The following BANP variants were observed in gnomAD, a reference collection of about 807,000 sequenced individuals.
BANP encodes protein BANP.
In BANP, 11 loss-of-function variants were observed where a neutral mutation model predicts 68.1. That is an observed-to-expected ratio of 0.16 (90% CI 0.10 to 0.27). BANP has a LOEUF of 0.27. Ranked by LOEUF, BANP falls within the 10% of genes least tolerant of loss-of-function variation. The pLI is 1.00. For synonymous variants in BANP, 329 were observed against 303.2 expected (o/e 1.09, Z -0.88); for missense variants, 504 against 722.7 (o/e 0.70, Z 3.47).
rs1327030639 is a variant in BANP, at chr16:88,071,795, T to C, written c.1378-274T>C. Reference sequence around the variant, plus strand: ...TGTGGAAGCTCTGCCTTGCTTTTTTTTTTTTCCCTTTTTTCTGCTCTGTAG... The same window carrying C: ...TGTGGAAGCTCTGCCTTGCTTTTTTCTTTTTCCCTTTTTTCTGCTCTGTAG... On this transcript the variant is annotated intron_variant, in intron 12 of 13. Transcript: ENST00000682872. The surrounding 1 kb of genome is among the most constrained non-coding windows in gnomAD (Gnocchi z 6.5). 1.5e-6 allele frequency: 1 copy of C among 670,624 alleles called. No homozygotes were observed. The highest frequency in any genetic ancestry group is 2.7e-6 in the Non-Finnish European group (1 of 364,338). 41.5% of individuals were successfully genotyped at this position (670,624 alleles called of 1,614,324 possible).
intron 7 of BANP, among the ~76,000 whole-genome samples, chr16:88,020,209 T>G (rs904618883): frequency 2.0e-5 from 3 of 152,212 alleles, no homozygotes; most frequent in Admixed American, 6.5e-5. Flanking sequence ...TTGCAGGCCC[T>G]GGGGTCTCTG....
intron 6 of BANP, among the ~76,000 whole-genome samples, chr16:88,013,972 C>T (rs553883632): frequency 1.3e-5 from 2 of 152,258 alleles, no homozygotes; most frequent in Admixed American, 6.5e-5. Flanking sequence ...GAGCAGGAAG[C>T]GCAGGGCGTG....
At chr16:88,073,880 T>C (rs1387062829) in intron 13 of BANP, among the ~76,000 whole-genome samples, 1 of 152,272 alleles carries the variant, frequency 6.6e-6, no homozygotes, top group Non-Finnish European at 1.5e-5. Flanking sequence ...TCTGTTACCA[T>C]GCCCTCCTGG....
chr16:88,002,997 C>G lies in BANP; in HGVS notation c.363-1298C>G, dbSNP rs2069878101. On this transcript the variant is annotated intron_variant, in intron 4 of 13. Coordinates refer to ENST00000682872, the MANE Select transcript of BANP (RefSeq NM_001386991.1). The surrounding 1 kb of genome is among the most constrained non-coding windows in gnomAD (Gnocchi z 4.6). ...TCCCGGGGCCACCAGTGTTCCATAG[C>G]CTCCACTTGGGGAACATACCAAGCT... is the stretch of plus-strand genomic sequence containing the variant. Among the ~76,000 whole-genome samples the G allele has an allele frequency of 2.6e-5, 4 of 152,266 alleles. No homozygotes were observed. The highest frequency in any genetic ancestry group is 2.6e-4 in the Admixed American group (4 of 15,284).
chr16:87,954,811 T>TA (rs1228354115), intron 1 of BANP, among the ~76,000 whole-genome samples: 1 of 152,232 alleles, frequency 6.6e-6, no homozygotes, highest in African/African-American at 2.4e-5. Flanking sequence ...AAGATGATGT[T>TA]AATGGAGTGA....
chr16:88,012,924 G>GT (rs1396515252), intron 6 of BANP, among the ~76,000 whole-genome samples: 2 of 152,150 alleles, frequency 1.3e-5, no homozygotes, highest in Non-Finnish European at 2.9e-5. Flanking sequence ...TTAAATCATC[G>GT]TTTTGTTTCC....
rs577870670 is a variant in BANP at position 87,952,144 on chromosome 16, C to T, written c.-69+629C>T. 5.2e-5 allele frequency: 8 copies of T among 152,416 alleles called. No homozygotes were observed. In the South Asian group the frequency reaches 1.2e-3, roughly 24 times the overall value. 9.4% of individuals were successfully genotyped at this position (152,416 alleles called of 1,614,324 possible). A position where few individuals can be genotyped will look rare whatever the true frequency, so the allele number is the denominator to read the frequency against. On this transcript the variant is annotated intron_variant, in intron 1 of 13. Coordinates refer to ENST00000682872, the MANE Select transcript of BANP (RefSeq NM_001386991.1). Reference sequence around the variant, plus strand: ...GTTTGTGCGATTTCTGTGATCTAGTCCTTAAGGAAGGTGGCCGTTTTCTTT... The same window carrying T: ...GTTTGTGCGATTTCTGTGATCTAGTTCTTAAGGAAGGTGGCCGTTTTCTTT...
At chr16:88,059,513 T>G (rs2086111005) in intron 11 of BANP, among the ~76,000 whole-genome samples, 1 of 152,070 alleles carries the variant, frequency 6.6e-6, no homozygotes. Context: ...TCAGAGGTTA[T>G]TGAGTTGCTT....
At position 87,975,340 on chromosome 16, in the gene BANP, C is replaced by G. The variant is rs912190313; in HGVS notation, c.70+155C>G. Reference sequence around the variant, plus strand: ...TCCTAGAGATGTGAACACTGTCGGCCCCTCCCTTCCCTCGCCCCTGCAGCC... The same window carrying G: ...TCCTAGAGATGTGAACACTGTCGGCGCCTCCCTTCCCTCGCCCCTGCAGCC... On this transcript the variant is annotated intron_variant, in intron 2 of 13. Transcript: ENST00000682872. The G allele has an allele frequency of 5.5e-6, 4 of 723,080 alleles. No individual in the cohort carries two copies. In the African/African-American group the frequency reaches 7.1e-5, roughly 13 times the overall value. The allele number at this position is 723,080 out of a possible 1,614,324, so 44.8% of individuals were successfully genotyped here.
chr16:87,953,550 G>T (rs1409630497), intron 1 of BANP, among the ~76,000 whole-genome samples: 3 of 152,132 alleles, frequency 2.0e-5, no homozygotes, highest in Admixed American at 6.5e-5. Flanking sequence ...ATTACGATGG[G>T]GTGATGGAGC....
chr16:88,069,517 G>T (rs1034110795), intron 12 of BANP, among the ~76,000 whole-genome samples: 1 of 152,184 alleles, frequency 6.6e-6, no homozygotes, highest in African/African-American at 2.4e-5. Context: ...TAATCGTGCT[G>T]CTCCGCTATG....
At chr16:87,970,158 T>A (rs1597895068) in intron 1 of BANP, 1 of 152,264 alleles carries the variant, frequency 6.6e-6, no homozygotes, top group Admixed American at 6.5e-5. Context: ...TCCAAAGTGC[T>A]GGGATGACAG....
chr16:88,052,649 C>T (rs1384602410), intron 11 of BANP, among the ~76,000 whole-genome samples: 1 of 151,802 alleles, frequency 6.6e-6, no homozygotes, highest in Non-Finnish European at 1.5e-5. Context: ...ATAATTGCCA[C>T]CATCATCACA....
chr16:88,041,046 G>GCCTGTGC lies in BANP; in HGVS notation c.1311+3052_1311+3058dup, dbSNP rs368084156. On this transcript the variant is annotated intron_variant, in intron 11 of 13. Coordinates refer to ENST00000682872, the MANE Select transcript of BANP (RefSeq NM_001386991.1). ...ATCCGTTTTCCGTCATGGGGCTGGGGCCTGTGCCCTGTGCCCTGTGCCCCC... is the reference window on the plus strand; with the variant it reads ...ATCCGTTTTCCGTCATGGGGCTGGGGCCTGTGCCCTGTGCCCTGTGCCCTGTGCCCCC... Among the ~76,000 whole-genome samples, 18 of 152,354 alleles carry GCCTGTGC rather than the reference G, an allele frequency of 1.2e-4. No individual in the cohort carries two copies. The East Asian group carries it at 1.7e-3, about 15-fold the overall frequency.
Position 88,053,897 on chromosome 16 carries a change from T to TCACCAC in BANP, c.1312-11359_1312-11354dup, listed in dbSNP as rs1179738268. Among the ~76,000 whole-genome samples, 8 of 41,910 alleles carry TCACCAC rather than the reference T, an allele frequency of 1.9e-4. 1 individual carries two copies. The highest frequency in any genetic ancestry group is 3.4e-4 in the African/African-American group (6 of 17,494). The allele number at this position is 41,910 out of a possible 152,430, so 27.5% of individuals were successfully genotyped here. Reference sequence around the variant, plus strand: ...ATCACCATCACCAACACAGTCCCCTTCACCACCACCACCACCTCTACCACT... The same window carrying TCACCAC: ...ATCACCATCACCAACACAGTCCCCTTCACCACCACCACCACCACCACCTCTACCACT... On this transcript the variant is annotated intron_variant, in intron 11 of 13. Coordinates refer to ENST00000682872, the MANE Select transcript of BANP (RefSeq NM_001386991.1).
At chr16:88,056,076 C>T (rs2084925188) in intron 11 of BANP, among the ~76,000 whole-genome samples, 1 of 152,226 alleles carries the variant, frequency 6.6e-6, no homozygotes, top group Admixed American at 6.5e-5. Context: ...CTTCCTTGCC[C>T]TGTCTGGGGA....
At chr16:88,063,082 G>A (rs571393762) in intron 11 of BANP, among the ~76,000 whole-genome samples, 2 of 152,336 alleles carry the variant, frequency 1.3e-5, no homozygotes, top group South Asian at 2.1e-4. Flanking sequence ...AAGAGGCTGC[G>A]CCGTGCATGG....
chr16:87,989,508 A>T (rs984799939), intron 4 of BANP, among the ~76,000 whole-genome samples: 7 of 152,268 alleles, frequency 4.6e-5, no homozygotes, highest in Admixed American at 2.0e-4. Flanking sequence ...TGTAAACAGG[A>T]TGCAGCAGAG....
At chr16:88,023,561 T>C (rs962404121) in intron 7 of BANP, among the ~76,000 whole-genome samples, 3 of 152,050 alleles carry the variant, frequency 2.0e-5, no homozygotes, top group African/African-American at 7.2e-5. Flanking sequence ...CCCTTGCACA[T>C]GAGAGTGTGT....
Sources: allele counts gnomAD v4.1 joint callset (sites outside exome capture counted in the v4.1 genomes callset), GRCh38; gene constraint gnomAD v4.1.1; non-coding constraint Gnocchi (gnomAD v3.1); transcripts MANE v1.5; gene names NCBI Gene and HGNC (gene_info 2026-07-23, HGNC 2026-07-21).